Variants in RIF1 observed in about 807,000 individuals in gnomAD.
RIF1 encodes the protein telomere-associated protein RIF1.
In RIF1, 45 loss-of-function variants were observed where a neutral mutation model predicts 247.1. That is an observed-to-expected ratio of 0.18 (90% CI 0.14 to 0.23). The LOEUF (loss-of-function observed/expected upper bound fraction) is 0.23, where lower values mean the gene tolerates loss of function less well. Ranked by LOEUF, RIF1 falls within the 10% of genes least tolerant of loss-of-function variation. The pLI, the probability that RIF1 is intolerant of heterozygous loss-of-function variation, is 1.00. For missense variants in RIF1, 2,967 were observed against 2,862.5 expected (o/e 1.04, Z -0.83); for synonymous variants, 1,087 against 978.8 (o/e 1.11, Z -2.06).
chr2:151,455,305 GAT>G, intron 22 of RIF1, 146 bp downstream of exon 22: 1 of 585,384 alleles, frequency 1.7e-6, no homozygotes, highest in Non-Finnish European at 2.9e-6. Flanking sequence ...TTGTTGAAAA[GAT>G]AGTTAAAATA....
At chr2:151,492,050 A>C (rs1281868708) in intron 9 of RIF1, 1 of 1,568,152 alleles carries the variant, frequency 6.4e-7, no homozygotes, top group Non-Finnish European at 8.8e-7. Context: ...TTGTTCTTCT[A>C]CCCCCTCACT....
At position 151,468,698 on chromosome 2, in the gene RIF1, T is replaced by C. The variant is rs763245776; in HGVS notation, c.6883T>C (p.Leu2295=). ...CCCAACAGAAAGTGTTTACCCACCATTGGTGAACTGTGTGGCACCAGTTGA... is the reference window on the plus strand; with the variant it reads ...CCCAACAGAAAGTGTTTACCCACCACTGGTGAACTGTGTGGCACCAGTTGA... ...PCPTESVYPP[L]VNCVAPVDII... The change falls in exon 33 of 36, where the codon TTG becomes CTG. Residue 2295 remains leucine (L), a synonymous_variant. Coordinates refer to ENST00000444746, the MANE Select transcript of RIF1 (RefSeq NM_018151.5). 29 of 1,613,954 alleles carry C rather than the reference T, an allele frequency of 1.8e-5. No individual in the cohort carries two copies. Among genetic ancestry groups the C allele is most frequent in the Admixed American group, 1.3e-4 (8 of 60,002 alleles).
In RIF1 at chr2:151,493,811, C is replaced by T. The variant is rs770656983; in HGVS notation, c.*416-1418C>T. ...TTTCTTGATTGCGTTTCACTCTTTC[C>T]ATCTCAGGAGTAAAGGGTGTGGGGG... On this transcript the variant is annotated intron_variant and NMD_transcript_variant, in intron 9 of 13. Transcript: ENST00000454583. 2.5e-6 allele frequency: 4 copies of T among 1,587,396 alleles called. No individual in the cohort carries two copies. The East Asian group carries it at 6.8e-5, about 27-fold the overall frequency.
chr2:151,506,139 T>C (rs1336317705), intron 12 of RIF1: 2 of 1,550,600 alleles, frequency 1.3e-6, no homozygotes, highest in Middle Eastern at 1.7e-4. Flanking sequence ...GCAGAAAATA[T>C]TGCAAGTGCA....
chr2:151,468,275 G>C (rs2444274), intron 31 of RIF1, 129 bp downstream of exon 31: 639,522 of 966,100 alleles, frequency 0.66, 213,723 homozygotes, highest in East Asian at 0.8. Flanking sequence ...CTTTTGTCTG[G>C]TACACGGTAA....
At chr2:151,482,431 T>C (rs1457115646), downstream of RIF1, among the ~76,000 whole-genome samples, 6 of 152,152 alleles carry the variant, frequency 3.9e-5, no homozygotes, top group Non-Finnish European at 1.5e-5. Flanking sequence ...GTTGTTGTTG[T>C]TAATGAGTTC....
At chr2:151,452,290 T>C (rs1283403003) in intron 21 of RIF1, among the ~76,000 whole-genome samples, 4 of 152,230 alleles carry the variant, frequency 2.6e-5, no homozygotes, top group Non-Finnish European at 5.9e-5. Flanking sequence ...AGTTATTTTG[T>C]AGCAAATAGT....
At chr2:151,499,309 T>A in intron 10 of RIF1, 1 of 1,513,478 alleles carries the variant, frequency 6.6e-7, no homozygotes, top group Non-Finnish European at 8.9e-7. Context: ...GAACTAAAGT[T>A]TTCTTGATTG....
intron 34 of RIF1, among the ~76,000 whole-genome samples, chr2:151,470,472 A>G (rs111832863): frequency 1.9e-4 from 29 of 152,258 alleles, no homozygotes; most frequent in South Asian, 8.3e-4. Context: ...TATTTGCATT[A>G]TGCAGCTACT....
At chr2:151,451,038 A>C (rs1694222545) in intron 20 of RIF1, among the ~76,000 whole-genome samples, 1 of 152,184 alleles carries the variant, frequency 6.6e-6, no homozygotes. Context: ...CTTAAAAGTG[A>C]ATTATTTTTC....
intron 8 of RIF1, among the ~76,000 whole-genome samples, chr2:151,428,208 G>A (rs1003020829): frequency 2.6e-5 from 4 of 152,144 alleles, no homozygotes; most frequent in Admixed American, 1.3e-4. Context: ...TAGCCTGGGC[G>A]ACAGAGCGAG....
intron 9 of RIF1, among the ~76,000 whole-genome samples, chr2:151,430,453 C>T (rs371349954): frequency 6.6e-6 from 1 of 152,144 alleles, no homozygotes; most frequent in East Asian, 1.9e-4. Flanking sequence ...TCCCAAGTAG[C>T]TGGGATGACA....
At chr2:151,425,702 T>C (rs1167031728) in intron 8 of RIF1, among the ~76,000 whole-genome samples, 1 of 129,984 alleles carries the variant, frequency 7.7e-6, no homozygotes, top group Non-Finnish European at 1.6e-5. Flanking sequence ...AGTCTTACTC[T>C]GTTGCCTAGG....
chr2:151,503,482 C>A (rs778721485), intron 12 of RIF1: 1 of 1,397,588 alleles, frequency 7.2e-7, no homozygotes, highest in Non-Finnish European at 1.0e-6. Context: ...GTAAAATGAC[C>A]GTAAATCCTT....
chr2:151,461,213 T>C lies in RIF1; in HGVS notation c.3151T>C (p.Phe1051Leu), dbSNP rs764049880. 2 of 1,613,440 alleles carry C rather than the reference T, an allele frequency of 1.2e-6. No homozygotes were observed. The highest frequency in any genetic ancestry group is 3.3e-5 in the Admixed American group (2 of 59,992). ...AGAGGAAAAGTCTACTGACTTTGTG[T>C]TTATACCTCCAGAAGGAAAAGATGC... ...LEEEKSTDFV[F>L]IPPEGKDAKE... The change falls in exon 27 of 36, where the codon TTT becomes CTT. Residue 1051 changes from phenylalanine to leucine, a missense_variant. Coordinates refer to ENST00000444746, the MANE Select transcript of RIF1 (RefSeq NM_018151.5).
At chr2:151,428,247 T>C (rs533636929) in intron 8 of RIF1, among the ~76,000 whole-genome samples, 1 of 152,114 alleles carries the variant, frequency 6.6e-6, no homozygotes, top group Non-Finnish European at 1.5e-5. Flanking sequence ...GAAAAGTTAT[T>C]CAGTTTTCTT....
In RIF1 at chr2:151,435,471, G is replaced by A; in HGVS notation, c.1086G>A (p.Val362=). ...HLPANFEQVC[V]PLIQSTISID... is the part of the protein sequence containing the mutation. ...TTTCTTTTACCCCATAGGTTTGTGT[G>A]CCTCTGATTCAAAGTACAATAAGCA... The change falls in exon 11 of 36, where the codon GTG becomes GTA. Residue 362 remains valine (V), a synonymous_variant. Transcript: ENST00000444746. 1.9e-6 allele frequency: 3 copies of A among 1,600,536 alleles called. No individual in the cohort carries two copies. Among genetic ancestry groups the A allele is most frequent in the Non-Finnish European group, 2.6e-6 (3 of 1,167,902 alleles).
downstream of RIF1, among the ~76,000 whole-genome samples, chr2:151,511,950 T>G (rs963064305): frequency 6.6e-6 from 1 of 152,042 alleles, no homozygotes; most frequent in South Asian, 2.1e-4. Flanking sequence ...AGTTGTACCA[T>G]GTTCTTCAGT....
chr2:151,458,225 G>GAT (rs1695530055), intron 24 of RIF1, among the ~76,000 whole-genome samples: 7 of 115,200 alleles, frequency 6.1e-5, no homozygotes, highest in African/African-American at 2.1e-4. Context: ...GGAAATAGAT[G>GAT]ATTTTTTTTT....
Sources: gnomAD v4.1 joint callset for allele counts (sites outside exome capture counted in the v4.1 genomes callset) on GRCh38, gnomAD v4.1.1 for gene constraint, MANE v1.5 for transcripts, NCBI Gene and HGNC (gene_info 2026-07-23, HGNC 2026-07-21) for gene names.